The following RAB27B variants were observed in gnomAD, a reference collection of about 807,000 sequenced individuals.
RAB27B encodes ras-related protein Rab-27B.
Under a neutral mutation model 24.6 loss-of-function variants are expected in RAB27B, and 15 were observed. The ratio of observed to expected loss-of-function variants is 0.61; its 90% CI spans 0.41 to 0.94. The LOEUF (loss-of-function observed/expected upper bound fraction) is 0.94, where lower values mean the gene tolerates loss of function less well. RAB27B is among the 40% of genes least tolerant of loss of function. The pLI is 0.00. For synonymous variants in RAB27B, 105 were observed against 92.5 expected (o/e 1.14, Z -0.78); for missense variants, 261 against 266.8 (o/e 0.98, Z 0.15).
chr18:54,819,770 C>G (rs544487709), intron 2 of RAB27B, among the ~76,000 whole-genome samples: 1 of 130,238 alleles, frequency 7.7e-6, no homozygotes, highest in Non-Finnish European at 1.6e-5. Context: ...ATCCCTCCCC[C>G]CTCCCCCACC....
chr18:54,768,501 T>C (rs548646640), intron 2 of RAB27B, among the ~76,000 whole-genome samples: 1 of 152,282 alleles, frequency 6.6e-6, no homozygotes, highest in Admixed American at 6.5e-5. Context: ...GCTTTCCTTA[T>C]TTGATTCCAC....
At chr18:54,762,875 C>T (rs1037991844) in intron 2 of RAB27B, among the ~76,000 whole-genome samples, 1 of 152,160 alleles carries the variant, frequency 6.6e-6, no homozygotes, top group Non-Finnish European at 1.5e-5. Flanking sequence ...GGGATTTTTA[C>T]TCTTTTGCTT....
chr18:54,876,607 T>C (rs748893290), intron 1 of RAB27B, among the ~76,000 whole-genome samples: 6 of 152,086 alleles, frequency 3.9e-5, no homozygotes, highest in African/African-American at 1.4e-4. Context: ...TTTCACCAAG[T>C]AGGTAATTGT....
chr18:54,869,451 T>A (rs1001770293), intron 1 of RAB27B, among the ~76,000 whole-genome samples: 1 of 152,206 alleles, frequency 6.6e-6, no homozygotes, highest in Non-Finnish European at 1.5e-5. Flanking sequence ...TTGAGCAAAT[T>A]TGGGTTTTAG....
intron 2 of RAB27B, among the ~76,000 whole-genome samples, chr18:54,816,892 T>C (rs921911409): frequency 1.3e-5 from 2 of 152,214 alleles, no homozygotes; most frequent in Admixed American, 6.5e-5. Flanking sequence ...GAAGGAGTTG[T>C]CCTTTCTAAT....
At chr18:54,730,791 A>G (rs1177954804) in intron 2 of RAB27B, among the ~76,000 whole-genome samples, 2 of 151,956 alleles carry the variant, frequency 1.3e-5, no homozygotes, top group Non-Finnish European at 2.9e-5. Flanking sequence ...GGCTTCCTCT[A>G]CCTCCTACAC....
intron 2 of RAB27B, among the ~76,000 whole-genome samples, chr18:54,763,961 T>C (rs1321458818): frequency 1.3e-5 from 2 of 152,160 alleles, no homozygotes; most frequent in Non-Finnish European, 2.9e-5. Flanking sequence ...TCTGTGGAAT[T>C]TGTCACCTCT....
At chr18:54,862,554 T>C (rs1912050060) in intron 1 of RAB27B, among the ~76,000 whole-genome samples, 1 of 152,178 alleles carries the variant, frequency 6.6e-6, no homozygotes, top group Admixed American at 6.5e-5. Context: ...AGAAAAATGG[T>C]TTTCAGACCT....
intron 1 of RAB27B, among the ~76,000 whole-genome samples, chr18:54,850,642 A>C (rs919591464): frequency 1.3e-5 from 2 of 151,510 alleles, no homozygotes; most frequent in Admixed American, 6.6e-5. Flanking sequence ...TTGGGATTGC[A>C]GGCGTGAGCC....
intron 2 of RAB27B, among the ~76,000 whole-genome samples, chr18:54,758,958 A>G (rs1286744541): frequency 6.6e-6 from 1 of 152,350 alleles, no homozygotes; most frequent in African/African-American, 2.4e-5. Context: ...CTGAAATTGT[A>G]TAATTAGCAC....
chr18:54,858,070 G>A (rs2145231049), intron 1 of RAB27B, among the ~76,000 whole-genome samples: 1 of 152,236 alleles, frequency 6.6e-6, no homozygotes. Flanking sequence ...GAAGCTAATG[G>A]ACCTTATATT....
At chr18:54,850,367 T>TATATATATATAC (rs1911530905) in intron 1 of RAB27B, among the ~76,000 whole-genome samples, 1 of 142,588 alleles carries the variant, frequency 7.0e-6, no homozygotes, top group African/African-American at 2.6e-5. Context: ...TATACATACA[T>TATATATATATAC]ACATATGTTT....
rs1029588952 is a variant in RAB27B, at chr18:54,725,379, G to A, written c.-20+7238G>A. Among the ~76,000 whole-genome samples, 3 of 151,428 alleles carry A rather than the reference G, an allele frequency of 2.0e-5. 1 individual carries two copies. Among genetic ancestry groups the A allele is most frequent in the Non-Finnish European group, 4.4e-5 (3 of 67,744 alleles). ...TACTAAGGATTCAAGTTTCCAAACA[G>A]TGACTGAACTACGTGACTTCAATGT... On this transcript the variant is annotated intron_variant, in intron 2 of 4. Coordinates refer to the RAB27B transcript ENST00000586570.
In RAB27B at chr18:54,749,822, G is replaced by C. The variant is rs950189705; in HGVS notation, c.-20+31681G>C. Among the ~76,000 whole-genome samples the C allele has an allele frequency of 3.8e-4, 57 of 151,964 alleles. 1 individual carries two copies. The highest frequency in any genetic ancestry group is 6.9e-4 in the Non-Finnish European group (47 of 67,970). On this transcript the variant is annotated intron_variant, in intron 2 of 4. Transcript: ENST00000586570. ...ATAGAGGCTTTGGATTTGGGTGGGG[G>C]GTTGGTTGTTTTTTTGTTTTGCTTC... is the stretch of plus-strand genomic sequence containing the variant.
chr18:54,837,346 G>T (rs1262243049), intron 1 of RAB27B, among the ~76,000 whole-genome samples: 3 of 152,072 alleles, frequency 2.0e-5, no homozygotes, highest in Non-Finnish European at 4.4e-5. Flanking sequence ...GACATTGGGG[G>T]AAAGGAGAAA....
At chr18:54,734,131 A>G (rs549236654) in intron 2 of RAB27B, among the ~76,000 whole-genome samples, 1 of 152,310 alleles carries the variant, frequency 6.6e-6, no homozygotes, top group East Asian at 1.9e-4. Flanking sequence ...AATAATCACA[A>G]TTAAATTTTC....
intron 1 of RAB27B, among the ~76,000 whole-genome samples, chr18:54,845,084 C>G (rs1453743319): frequency 6.6e-6 from 1 of 152,092 alleles, no homozygotes; most frequent in Non-Finnish European, 1.5e-5. Context: ...ACTCACATGG[C>G]CTGATGTATT....
chr18:54,740,142 G>T (rs1443429895), intron 2 of RAB27B, among the ~76,000 whole-genome samples: 1 of 152,148 alleles, frequency 6.6e-6, no homozygotes, highest in Non-Finnish European at 1.5e-5. Context: ...CATGGAGGAA[G>T]AATTCATCTC....
chr18:54,846,617 C>CA (rs1273099230), intron 1 of RAB27B, among the ~76,000 whole-genome samples: 3 of 152,054 alleles, frequency 2.0e-5, no homozygotes, highest in African/African-American at 7.2e-5. Flanking sequence ...ACATTTGAGC[C>CA]AAAAAACTGA....
Sources: allele counts gnomAD v4.1 joint callset (sites outside exome capture counted in the v4.1 genomes callset), GRCh38; gene constraint gnomAD v4.1.1; transcripts MANE v1.5; gene names NCBI Gene and HGNC (gene_info 2026-07-23, HGNC 2026-07-21).